Variants in ELP3 observed in about 807,000 individuals in gnomAD.
ELP3 encodes the protein elongator acetyltransferase complex subunit 3, also known as elongator complex protein 3.
A neutral mutation model predicts 74.9 loss-of-function variants in ELP3; 56 were observed. That is an observed-to-expected ratio of 0.75 (90% CI 0.60 to 0.93). The LOEUF (loss-of-function observed/expected upper bound fraction) is 0.93, where lower values mean the gene tolerates loss of function less well. Among genes scored for constraint, ELP3 ranks in the 40% least tolerant of loss-of-function variants. The pLI is 0.00. For synonymous variants in ELP3, 222 were observed against 239.8 expected (o/e 0.93, Z 0.68); for missense variants, 573 against 686.5 (o/e 0.83, Z 1.85).
chr8:28,166,852 T>C (rs1443071595), intron 14 of ELP3, among the ~76,000 whole-genome samples: 2 of 152,198 alleles, frequency 1.3e-5, no homozygotes, highest in African/African-American at 4.8e-5. Context: ...TCAGATCCAA[T>C]CGTGTGACTG....
rs183936886 is a variant in ELP3, at chr8:28,157,077, C to T, written c.1191+1045C>T. Reference sequence around the variant, plus strand: ...CTGACCTTCAAGAAGGCCAAGGTGACTGACCTGGCCTGGTTATCCCAACAA... The same window carrying T: ...CTGACCTTCAAGAAGGCCAAGGTGATTGACCTGGCCTGGTTATCCCAACAA... On this transcript the variant is annotated intron_variant, in intron 11 of 14. Coordinates refer to ENST00000256398, the MANE Select transcript of ELP3 (RefSeq NM_018091.6). Among the ~76,000 whole-genome samples, 54 of 152,282 alleles carry T rather than the reference C, an allele frequency of 3.5e-4. 1 individual carries two copies. In the East Asian group the frequency reaches 7.9e-3, roughly 22 times the overall value.
At chr8:28,159,481 C>T (rs1438054125) in intron 12 of ELP3, among the ~76,000 whole-genome samples, 1 of 152,148 alleles carries the variant, frequency 6.6e-6, no homozygotes, top group Non-Finnish European at 1.5e-5. Context: ...ACCATCTCCC[C>T]ATCTACCGAG....
chr8:28,106,401 G>A (rs951532587), intron 3 of ELP3, among the ~76,000 whole-genome samples: 12 of 151,116 alleles, frequency 7.9e-5, no homozygotes, highest in African/African-American at 2.2e-4. Flanking sequence ...TTAGCCGGGC[G>A]TAGTGGCGGG....
intron 10 of ELP3, among the ~76,000 whole-genome samples, chr8:28,152,543 T>C (rs1180050113): frequency 6.6e-6 from 1 of 152,168 alleles, no homozygotes; most frequent in Non-Finnish European, 1.5e-5. Context: ...CAGTGGCTCA[T>C]GCCTGTAATC....
chr8:28,106,768 CA>C lies in ELP3; in HGVS notation c.315del (p.Gly106GlufsTer30). ...KPHRCPHISF[T>X]GNICVYCPGG... ...CACAGATGTCCACACATCAGTTTTA[CA>C]GGAAATATATGTGTGTAAGTATGGT... On this transcript the variant is annotated frameshift_variant, in exon 4 of 15. Coordinates refer to ENST00000256398, the MANE Select transcript of ELP3 (RefSeq NM_018091.6). LOFTEE classifies it high-confidence loss of function. 1 of 1,612,136 alleles carries C rather than the reference CA, an allele frequency of 6.2e-7. No individual in the cohort carries two copies. Among genetic ancestry groups the C allele is most frequent in the South Asian group, 1.1e-5 (1 of 91,000 alleles).
intron 11 of ELP3, 80 bp downstream of exon 11, chr8:28,156,112 C>T (rs1813819175): frequency 8.8e-7 from 1 of 1,134,082 alleles, no homozygotes; most frequent in Non-Finnish European, 1.3e-6. Context: ...GCCACTACCA[C>T]CCCTAAAACC....
At chr8:28,179,205 T>C (rs1814893913) in intron 14 of ELP3, among the ~76,000 whole-genome samples, 1 of 152,250 alleles carries the variant, frequency 6.6e-6, no homozygotes, top group South Asian at 2.1e-4. Context: ...CCCCCACATA[T>C]AACAAGGGCA....
intron 10 of ELP3, among the ~76,000 whole-genome samples, chr8:28,150,652 C>G (rs1343548892): frequency 6.6e-6 from 1 of 151,852 alleles, no homozygotes; most frequent in South Asian, 2.1e-4. Flanking sequence ...TGTTCTTTAT[C>G]TTTTTATTTT....
rs351760 is a variant in ELP3 at position 28,169,441 on chromosome 8, T to C, written c.1567+7363T>C. Among the ~76,000 whole-genome samples the C allele has an allele frequency of 4.0e-3, 613 of 152,202 alleles. 3 individuals are homozygous for C. The highest frequency in any genetic ancestry group is 0.014 in the African/African-American group (567 of 41,530). On this transcript the variant is annotated intron_variant, in intron 14 of 14. Coordinates refer to ENST00000256398, the MANE Select transcript of ELP3 (RefSeq NM_018091.6). ...CTGGGGTGGCTTAAATGGCAGCCAG[T>C]TGGCTGGGATGGTGTGTCTGAAGTT...
At chr8:28,090,302 C>A, upstream of ELP3, 1 of 406,108 alleles carries the variant, frequency 2.5e-6, no homozygotes, top group South Asian at 1.8e-5. Flanking sequence ...GCTGTTGCTT[C>A]CTGGTCTGGT....
chr8:28,090,903 C>CTT (rs1563239681), upstream of ELP3, among the ~76,000 whole-genome samples: 17 of 53,140 alleles, frequency 3.2e-4, 1 homozygote, highest in African/African-American at 9.8e-4. Context: ...GTAAATGTTT[C>CTT]CTTTTTTTTT....
At chr8:28,134,297 CATATT>C in intron 9 of ELP3, among the ~76,000 whole-genome samples, 1 of 152,290 alleles carries the variant, frequency 6.6e-6, no homozygotes, top group African/African-American at 2.4e-5. Context: ...AGTCTCAGTA[CATATT>C]TTCCTTGGTG....
intron 7 of ELP3, among the ~76,000 whole-genome samples, chr8:28,119,408 G>A (rs570652704): frequency 1.3e-5 from 2 of 151,544 alleles, no homozygotes; most frequent in Non-Finnish European, 2.9e-5. Flanking sequence ...TGTCTCTCGC[G>A]TGTGCTTGCG....
intron 9 of ELP3, among the ~76,000 whole-genome samples, chr8:28,135,150 G>A (rs970080250): frequency 2.6e-5 from 4 of 151,988 alleles, no homozygotes; most frequent in African/African-American, 9.7e-5. Flanking sequence ...GGCTGGTCTC[G>A]AACTTCTGAC....
chr8:28,159,001 A>G (rs1347427998), intron 12 of ELP3, among the ~76,000 whole-genome samples: 1 of 152,224 alleles, frequency 6.6e-6, no homozygotes, highest in African/African-American at 2.4e-5. Context: ...ATTCAATTGT[A>G]AATAGTCCCC....
intron 5 of ELP3, among the ~76,000 whole-genome samples, chr8:28,109,826 A>C (rs1237306837): frequency 6.6e-6 from 1 of 152,116 alleles, no homozygotes; most frequent in Non-Finnish European, 1.5e-5. Context: ...TGATTTTTGG[A>C]TTAGGGATGC....
rs1255570525 is a variant in ELP3, at chr8:28,147,595, G to A, written c.1101-8347G>A. Among the ~76,000 whole-genome samples, 4 of 152,166 alleles carry A rather than the reference G, an allele frequency of 2.6e-5. No individual in the cohort carries two copies. Among genetic ancestry groups the A allele is most frequent in the Non-Finnish European group, 4.4e-5 (3 of 68,028 alleles). On this transcript the variant is annotated intron_variant, in intron 10 of 14. Transcript: ENST00000256398. This position sits in a 1 kb window ranked among gnomAD's most constrained non-coding sequence, Gnocchi z 4.5. ...GTTTAAAAATTTATATATAGAAATA[G>A]TTATAGCGTGTATGTTTATATATAT...
chr8:28,115,487 G>A (rs1812092189), intron 7 of ELP3, among the ~76,000 whole-genome samples: 1 of 152,184 alleles, frequency 6.6e-6, no homozygotes, highest in Non-Finnish European at 1.5e-5. Context: ...AGGAGGAAAG[G>A]ACATGGGAAA....
chr8:28,128,385 A>G (rs1223663012), intron 7 of ELP3, among the ~76,000 whole-genome samples: 1 of 152,216 alleles, frequency 6.6e-6, no homozygotes, highest in Non-Finnish European at 1.5e-5. Flanking sequence ...CTGAAGCACA[A>G]GAAATGCTTG....
Sources: allele counts gnomAD v4.1 joint callset (sites outside exome capture counted in the v4.1 genomes callset), GRCh38; gene constraint gnomAD v4.1.1; non-coding constraint Gnocchi (gnomAD v3.1); transcripts MANE v1.5; gene names NCBI Gene and HGNC (gene_info 2026-07-23, HGNC 2026-07-21).